Variants in SIPA1L1 observed in about 807,000 individuals in gnomAD.
The protein encoded by SIPA1L1 is signal-induced proliferation-associated 1-like protein 1.
A neutral mutation model predicts 162.7 loss-of-function variants in SIPA1L1; 26 were observed. The observed-to-expected ratio is 0.16, with a 90% CI of 0.12 to 0.22. SIPA1L1 has a LOEUF of 0.22. SIPA1L1 is among the 10% of genes least tolerant of loss of function. The probability of loss-of-function intolerance (pLI) is 1.00; values close to 1 mark genes in which losing one functional copy is unlikely to be tolerated. For synonymous variants in SIPA1L1, 829 were observed against 837.4 expected, an observed-to-expected ratio of 0.99 and a Z score of 0.17; for missense variants, 1,874 against 2,241.0, an observed-to-expected ratio of 0.84 and a Z score of 3.31.
intron 2 of SIPA1L1, among the ~76,000 whole-genome samples, chr14:71,477,791 TAA>T (rs550728817): frequency 2.8e-5 from 4 of 144,444 alleles, no homozygotes; most frequent in African/African-American, 2.5e-5. Flanking sequence ...TTGGAGGTAT[TAA>T]AAAAAAAAAA....
intron 17 of SIPA1L1, among the ~76,000 whole-genome samples, chr14:71,722,208 C>G (rs1398679724): frequency 6.6e-6 from 1 of 152,320 alleles, no homozygotes; most frequent in East Asian, 1.9e-4. Flanking sequence ...ATGTGACAAG[C>G]AGGTATTGTG....
At chr14:71,597,620 C>T (rs756826146) in intron 5 of SIPA1L1, among the ~76,000 whole-genome samples, 9 of 152,134 alleles carry the variant, frequency 5.9e-5, no homozygotes, top group African/African-American at 9.7e-5. Context: ...TCAGGCTGCA[C>T]GATAGAAACC....
At chr14:71,669,483 A>C (rs937012491) in intron 10 of SIPA1L1, among the ~76,000 whole-genome samples, 5 of 152,362 alleles carry the variant, frequency 3.3e-5, no homozygotes, top group African/African-American at 1.2e-4. Flanking sequence ...AGTGAAAGAT[A>C]TTAAATATTT....
intron 2 of SIPA1L1, among the ~76,000 whole-genome samples, chr14:71,490,646 A>G (rs943548340): frequency 4.6e-5 from 7 of 152,232 alleles, no homozygotes; most frequent in African/African-American, 1.7e-4. Flanking sequence ...GAACATCTCC[A>G]AGATTGTTGT....
At chr14:71,508,498 C>T (rs145160766) in intron 2 of SIPA1L1, among the ~76,000 whole-genome samples, 213 of 152,048 alleles carry the variant, frequency 1.4e-3, no homozygotes, top group Non-Finnish European at 2.5e-3. Flanking sequence ...GTTTATAAGC[C>T]GAAGAGAAGC....
At chr14:71,493,083 CAT>C (rs1449267897) in intron 2 of SIPA1L1, among the ~76,000 whole-genome samples, 1 of 151,968 alleles carries the variant, frequency 6.6e-6, no homozygotes, top group Non-Finnish European at 1.5e-5. Context: ...TCCCCCAAAA[CAT>C]AGGTATTTAT....
Position 71,410,322 on chromosome 14 carries a change from A to G in SIPA1L1, c.-465+89141A>G, listed in dbSNP as rs139038448. Reference sequence around the variant, plus strand: ...TTCAAAGTGCTGGGCTGTTGATTGCATGTCTTAGAATTTCAAATTTTCAGG... The same window carrying G: ...TTCAAAGTGCTGGGCTGTTGATTGCGTGTCTTAGAATTTCAAATTTTCAGG... On this transcript the variant is annotated intron_variant, in intron 2 of 23. Coordinates refer to ENST00000381232, the MANE Select transcript of SIPA1L1 (RefSeq NM_001386936.1). 4.6e-5 allele frequency among the ~76,000 whole-genome samples: 7 copies of G among 152,252 alleles called. No individual in the cohort carries two copies. The East Asian group carries it at 1.4e-3, about 29-fold the overall frequency.
intron 2 of SIPA1L1, among the ~76,000 whole-genome samples, chr14:71,461,299 G>A (rs1028101419): frequency 2.6e-5 from 4 of 152,204 alleles, no homozygotes; most frequent in African/African-American, 9.6e-5. Context: ...GCACTCAGAA[G>A]TGGCCGTAGC....
rs535022284 is a variant in SIPA1L1 at position 71,418,393 on chromosome 14, G to A, written c.-464-94350G>A. 1.8e-4 allele frequency among the ~76,000 whole-genome samples: 28 copies of A among 152,270 alleles called. No homozygotes were observed. The South Asian group carries it at 5.6e-3, about 30-fold the overall frequency. ...TTGCTAATAGTGGATTTGAACAAAA[G>A]TCTAAAGGAAGGAATCAGAAAATAA... On this transcript the variant is annotated intron_variant, in intron 2 of 23. Coordinates refer to ENST00000381232, the MANE Select transcript of SIPA1L1 (RefSeq NM_001386936.1).
At chr14:71,330,465 A>G in intron 2 of SIPA1L1, 1 of 1,604,704 alleles carries the variant, frequency 6.2e-7, no homozygotes, top group South Asian at 1.1e-5. Flanking sequence ...AATCCACATC[A>G]TTCACAGCTA....
chr14:71,504,405 A>G (rs187406549), intron 2 of SIPA1L1, among the ~76,000 whole-genome samples: 16 of 152,328 alleles, frequency 1.1e-4, no homozygotes, highest in African/African-American at 3.6e-4. Flanking sequence ...TCCTATTTTT[A>G]TAAAACAGAG....
At chr14:71,390,991 T>C in intron 2 of SIPA1L1, among the ~76,000 whole-genome samples, 1 of 152,124 alleles carries the variant, frequency 6.6e-6, no homozygotes, top group Non-Finnish European at 1.5e-5. Flanking sequence ...TGACATTTAT[T>C]GAACCCTTCC....
At chr14:71,484,400 C>T (rs939518123) in intron 2 of SIPA1L1, among the ~76,000 whole-genome samples, 5 of 150,796 alleles carry the variant, frequency 3.3e-5, no homozygotes, top group Admixed American at 6.6e-5. Context: ...AAGTAATTAG[C>T]ATTGTATTAA....
rs1477193424 is a variant in SIPA1L1, at chr14:71,446,897, TTTTTTTTTG to T, written c.-464-65837_-464-65829del. 1.5e-3 allele frequency among the ~76,000 whole-genome samples: 130 copies of T among 86,034 alleles called. 1 individual carries two copies. The highest frequency in any genetic ancestry group is 5.6e-3 in the African/African-American group (108 of 19,314). 56.4% of individuals were successfully genotyped at this position (86,034 alleles called of 152,430 possible). ...CAAATAAAGAGAGATGGGCTCTGTT[TTTTTTTTTG>T]TTTTTTTTTTTTTTTTTTTTTTTGA... On this transcript the variant is annotated intron_variant, in intron 2 of 23. Coordinates refer to ENST00000381232, the MANE Select transcript of SIPA1L1 (RefSeq NM_001386936.1).
At chr14:71,634,241 A>C (rs2040885724) in intron 7 of SIPA1L1, among the ~76,000 whole-genome samples, 1 of 151,918 alleles carries the variant, frequency 6.6e-6, no homozygotes, top group African/African-American at 2.4e-5. Flanking sequence ...TGTCTACTAA[A>C]AATACAAAAA....
chr14:71,394,687 G>A (rs150800807), intron 2 of SIPA1L1, among the ~76,000 whole-genome samples: 176 of 152,340 alleles, frequency 1.2e-3, no homozygotes, highest in African/African-American at 3.8e-3. Flanking sequence ...TTTGAATTAA[G>A]TGATGTGGAT....
chr14:71,609,248 A>G (rs2037901234), intron 5 of SIPA1L1, among the ~76,000 whole-genome samples: 1 of 151,966 alleles, frequency 6.6e-6, no homozygotes, highest in Non-Finnish European at 1.5e-5. Flanking sequence ...GAAGCCTACG[A>G]ACTCTCCTTG....
chr14:71,347,345 T>A (rs1036788267), intron 2 of SIPA1L1, among the ~76,000 whole-genome samples: 1 of 152,228 alleles, frequency 6.6e-6, no homozygotes, highest in African/African-American at 2.4e-5. Context: ...TATTTCTTTG[T>A]CTTGTCAAGT....
chr14:71,551,799 C>T (rs935268487), intron 4 of SIPA1L1, among the ~76,000 whole-genome samples: 26 of 152,046 alleles, frequency 1.7e-4, no homozygotes, highest in African/African-American at 5.8e-4. Flanking sequence ...ACGCTGTTTG[C>T]TCATGTCCCA....
Sources: gnomAD v4.1 joint callset for allele counts (sites outside exome capture counted in the v4.1 genomes callset) on GRCh38, gnomAD v4.1.1 for gene constraint, MANE v1.5 for transcripts, NCBI Gene and HGNC (gene_info 2026-07-23, HGNC 2026-07-21) for gene names.